PTPRJ: variants seen among roughly 807,000 people sequenced by gnomAD.
PTPRJ encodes receptor-type tyrosine-protein phosphatase eta.
A neutral mutation model predicts 141.3 loss-of-function variants in PTPRJ; 129 were observed. The observed-to-expected ratio is 0.91, with a 90% confidence interval of 0.79 to 1.06. The LOEUF (loss-of-function observed/expected upper bound fraction) is 1.06. PTPRJ is among the 50% of genes least tolerant of loss of function. The pLI is 0.00. For missense variants in PTPRJ, 1,601 were observed against 1,679.7 expected, an observed-to-expected ratio of 0.95 and a Z score of 0.82; for synonymous variants, 610 against 640.5, an observed-to-expected ratio of 0.95 and a Z score of 0.72.
At position 48,121,143 on chromosome 11, in the gene PTPRJ, G is replaced by A; in HGVS notation, c.493G>A (p.Val165Ile). The change falls in exon 4 of 25, where the codon GTT (valine) becomes ATT (isoleucine). Residue 165 changes from valine (V) to isoleucine (I), a missense_variant. Transcript: ENST00000418331. ...GATGGAAAATGAGAAGACAATTACT[G>A]TTGTGCATCAACCATGGTGTAACAT... ...HKMENEKTIT[V>I]VHQPWCNITG... is the part of the protein sequence containing the mutation. 2 of 1,614,150 alleles carry A rather than the reference G, an allele frequency of 1.2e-6. No homozygotes were observed. Among genetic ancestry groups the A allele is most frequent in the African/African-American group, 1.3e-5 (1 of 75,044 alleles).
At chr11:48,089,015 A>G (rs1307779366) in intron 1 of PTPRJ, among the ~76,000 whole-genome samples, 6 of 148,810 alleles carry the variant, frequency 4.0e-5, no homozygotes, top group Non-Finnish European at 5.9e-5. Context: ...TTTCGGTGCT[A>G]CTCCCATTTT....
intron 1 of PTPRJ, among the ~76,000 whole-genome samples, chr11:48,060,250 T>C (rs558105486): frequency 2.9e-4 from 44 of 152,336 alleles, no homozygotes; most frequent in Non-Finnish European, 5.0e-4. Flanking sequence ...AAATAATATT[T>C]GAATGCAATT....
intron 16 of PTPRJ, chr11:48,149,786 A>C: frequency 1.8e-6 from 1 of 571,328 alleles, no homozygotes; most frequent in Non-Finnish European, 3.1e-6. Flanking sequence ...TTAAAGTCAC[A>C]AAACCAATTA....
intron 1 of PTPRJ, among the ~76,000 whole-genome samples, chr11:48,064,755 C>G (rs907620488): frequency 1.3e-5 from 2 of 151,884 alleles, no homozygotes; most frequent in Non-Finnish European, 2.9e-5. Flanking sequence ...AGGCGCCCAC[C>G]ACGGGCCCGA....
intron 1 of PTPRJ, among the ~76,000 whole-genome samples, chr11:48,042,648 G>A (rs78507603): frequency 0.01 from 1,569 of 152,244 alleles, 31 homozygotes; most frequent in African/African-American, 0.033. Flanking sequence ...TGAAGCTAGA[G>A]GGGTGAGTAT....
chr11:48,012,777 A>C (rs1285011344), intron 1 of PTPRJ, among the ~76,000 whole-genome samples: 2 of 152,292 alleles, frequency 1.3e-5, no homozygotes, highest in African/African-American at 4.8e-5. Context: ...CTGAGATATA[A>C]TTCACATACA....
intron 1 of PTPRJ, among the ~76,000 whole-genome samples, chr11:48,108,783 C>T (rs558329915): frequency 2.6e-5 from 4 of 152,120 alleles, no homozygotes; most frequent in African/African-American, 7.2e-5. Context: ...GCCTGAGGCG[C>T]GAAGGAGTTG....
intron 1 of PTPRJ, among the ~76,000 whole-genome samples, chr11:48,064,749 G>T (rs1855036097): frequency 6.7e-6 from 1 of 149,324 alleles, no homozygotes; most frequent in Non-Finnish European, 1.5e-5. Context: ...GATTACAGGC[G>T]CCCACCACGG....
intron 5 of PTPRJ, 48 bp from the exon 6 acceptor site, chr11:48,124,920 G>A (rs1856799332): frequency 1.3e-6 from 2 of 1,580,230 alleles, no homozygotes; most frequent in African/African-American, 1.3e-5. Context: ...AATGGGGGAT[G>A]TGTCCCTCTT....
At chr11:48,167,111 G>C (rs1384166242) in intron 24 of PTPRJ, 93 bp from the exon 25 acceptor site, 1 of 1,227,670 alleles carries the variant, frequency 8.1e-7, no homozygotes, top group East Asian at 2.3e-5. Context: ...TTTGGGAGTT[G>C]GGCGGGGGAA....
chr11:48,039,323 C>T (rs1430870258), intron 1 of PTPRJ, among the ~76,000 whole-genome samples: 3 of 149,976 alleles, frequency 2.0e-5, no homozygotes, highest in Admixed American at 6.6e-5. Context: ...GCAAAACCTG[C>T]GGCTTAGAGA....
intron 1 of PTPRJ, among the ~76,000 whole-genome samples, chr11:48,082,296 G>T (rs886491330): frequency 2.0e-5 from 3 of 151,944 alleles, no homozygotes; most frequent in African/African-American, 4.8e-5. Context: ...AGGCTGAAGT[G>T]CAGTGGCACA....
intron 1 of PTPRJ, among the ~76,000 whole-genome samples, chr11:48,005,475 T>G (rs1199348516): frequency 1.3e-5 from 2 of 152,242 alleles, no homozygotes; most frequent in Non-Finnish European, 2.9e-5. Flanking sequence ...TCTGGCTATT[T>G]CGCCTAGCAT....
chr11:48,161,082 G>T (rs1170127904), intron 22 of PTPRJ, among the ~76,000 whole-genome samples: 1 of 148,780 alleles, frequency 6.7e-6, no homozygotes, highest in Non-Finnish European at 1.5e-5. Flanking sequence ...GAAGGCTGAG[G>T]TAGGAGGATG....
chr11:48,025,552 C>G (rs894132289), intron 1 of PTPRJ, among the ~76,000 whole-genome samples: 2 of 152,152 alleles, frequency 1.3e-5, no homozygotes, highest in Non-Finnish European at 2.9e-5. Flanking sequence ...CAGAAATGAA[C>G]ATGACATGCA....
Position 48,112,801 on chromosome 11 carries a change from G to T in PTPRJ, c.170G>T (p.Gly57Val). 6.2e-7 allele frequency: 1 copy of T among 1,614,190 alleles called. No individual in the cohort carries two copies. Among genetic ancestry groups the T allele is most frequent in the Non-Finnish European group, 8.5e-7 (1 of 1,180,030 alleles). The change falls in exon 3 of 25, where the codon GGC (glycine) becomes GTC (valine). Residue 57 changes from glycine (G) to valine (V), a missense_variant. Transcript: ENST00000418331. ...GCAACTGTTGCCACAGGGGAAAATG[G>T]CATAACGCAGATCAGCAGTACAGCA... ...SVATVATGEN[G>V]ITQISSTAES...
intron 1 of PTPRJ, among the ~76,000 whole-genome samples, chr11:48,003,664 T>G (rs1018626753): frequency 6.6e-6 from 1 of 152,104 alleles, no homozygotes; most frequent in African/African-American, 2.4e-5. Context: ...CCCAGCTAAT[T>G]TTTGTATTTG....
intron 1 of PTPRJ, among the ~76,000 whole-genome samples, chr11:48,083,813 A>G (rs1307922283): frequency 6.6e-6 from 1 of 152,250 alleles, no homozygotes; most frequent in African/African-American, 2.4e-5. Flanking sequence ...GTCTAGACCC[A>G]TGGTTCTCAA....
intron 1 of PTPRJ, among the ~76,000 whole-genome samples, chr11:48,064,039 G>C (rs907798796): frequency 2.0e-5 from 3 of 151,686 alleles, no homozygotes; most frequent in Non-Finnish European, 4.4e-5. Context: ...TCAAAGTCCA[G>C]CTCTCAAGTG....
Sources: gnomAD v4.1 joint callset for allele counts (sites outside exome capture counted in the v4.1 genomes callset) on GRCh38, gnomAD v4.1.1 for gene constraint, MANE v1.5 for transcripts, NCBI Gene and HGNC (gene_info 2026-07-23, HGNC 2026-07-21) for gene names.